ACER2: variants seen among roughly 807,000 people sequenced by gnomAD.
The protein encoded by ACER2 is alkaline ceramidase 2.
ACER2 carries 26 observed loss-of-function variants against 34.7 expected under a neutral mutation model. That is an observed-to-expected ratio of 0.75 (90% CI 0.55 to 1.04). ACER2 has a LOEUF of 1.04. ACER2 is among the 50% of genes least tolerant of loss of function. The pLI is 0.00. For missense variants in ACER2, 352 were observed against 340.8 expected, an observed-to-expected ratio of 1.03 and a Z score of -0.26; for synonymous variants, 138 against 132.1, an observed-to-expected ratio of 1.04 and a Z score of -0.31.
intron 1 of ACER2, among the ~76,000 whole-genome samples, chr9:19,421,874 C>T (rs1830417510): frequency 6.6e-6 from 1 of 152,086 alleles, no homozygotes; most frequent in South Asian, 2.1e-4. Flanking sequence ...TCCAATATGA[C>T]AGTCACTGGC....
chr9:19,437,308 A>G (rs1008814611), intron 4 of ACER2, among the ~76,000 whole-genome samples: 6 of 152,230 alleles, frequency 3.9e-5, no homozygotes, highest in East Asian at 3.9e-4. Flanking sequence ...AGAGTCCCCA[A>G]ATGATTTTAA....
chr9:19,425,667 T>C (rs1459008997), intron 3 of ACER2, among the ~76,000 whole-genome samples: 1 of 152,142 alleles, frequency 6.6e-6, no homozygotes, highest in African/African-American at 2.4e-5. Context: ...GGGTGCTGAT[T>C]TAGAGTTTGG....
At chr9:19,442,270 G>C (rs1024071037) in intron 4 of ACER2, among the ~76,000 whole-genome samples, 1 of 152,216 alleles carries the variant, frequency 6.6e-6, no homozygotes, top group South Asian at 2.1e-4. Context: ...GAAGAAATGG[G>C]AGAGATTCAG....
At position 19,439,399 on chromosome 9, in the gene ACER2, G is replaced by A. The variant is rs186583587; in HGVS notation, c.503+4315G>A. Among the ~76,000 whole-genome samples the A allele has an allele frequency of 4.9e-3, 733 of 150,462 alleles. 3 individuals are homozygous for A. Among genetic ancestry groups the A allele is most frequent in the Middle Eastern group, 6.9e-3 (2 of 290 alleles). On this transcript the variant is annotated intron_variant, in intron 4 of 5. Transcript: ENST00000340967. ...TCTGTCACCCAGGCTGGAGTGCAGTGGCAAGATCTCGGCTCACTGTAACCT... is the reference window on the plus strand; with the variant it reads ...TCTGTCACCCAGGCTGGAGTGCAGTAGCAAGATCTCGGCTCACTGTAACCT...
chr9:19,409,891 C>T, intron 1 of ACER2: 3 of 985,314 alleles, frequency 3.0e-6, no homozygotes, highest in Non-Finnish European at 3.6e-6. Flanking sequence ...TTTGGATTTG[C>T]CTAGGTCCCT....
Position 19,424,728 on chromosome 9 carries a change from C to G in ACER2, c.252C>G (p.Thr84=). Residue 84 remains threonine (T), a synonymous_variant, in exon 3 of 6, where the codon ACC becomes ACG. Coordinates refer to ENST00000340967, the MANE Select transcript of ACER2 (RefSeq NM_001010887.3). ...VGIGSVYFHA[T]LSFLGQMLDE... Reference sequence around the variant, plus strand: ...TTGGATCCGTCTACTTCCATGCAACCCTTAGTTTCTTGGGTCAGATGCTTG... The same window carrying G: ...TTGGATCCGTCTACTTCCATGCAACGCTTAGTTTCTTGGGTCAGATGCTTG... The G allele has an allele frequency of 6.2e-7, 1 of 1,613,894 alleles. No individual in the cohort carries two copies. The highest frequency in any genetic ancestry group is 8.5e-7 in the Non-Finnish European group (1 of 1,179,998).
At chr9:19,420,820 A>C (rs961786139) in intron 1 of ACER2, among the ~76,000 whole-genome samples, 3 of 152,256 alleles carry the variant, frequency 2.0e-5, no homozygotes, top group Admixed American at 2.0e-4. Flanking sequence ...AGTATATGCT[A>C]CACCCTCACA....
intron 4 of ACER2, among the ~76,000 whole-genome samples, chr9:19,440,591 A>G (rs961646494): frequency 6.6e-6 from 1 of 152,172 alleles, no homozygotes; most frequent in Non-Finnish European, 1.5e-5. Flanking sequence ...CCTTGATCTC[A>G]GACTTCCCAG....
intron 3 of ACER2, among the ~76,000 whole-genome samples, chr9:19,433,408 C>G (rs1830824829): frequency 6.6e-6 from 1 of 151,820 alleles, no homozygotes; most frequent in Non-Finnish European, 1.5e-5. Flanking sequence ...CATCTTGCAC[C>G]GCCCTTAATC....
intron 3 of ACER2, among the ~76,000 whole-genome samples, chr9:19,426,467 G>A (rs1240882390): frequency 7.0e-6 from 1 of 142,498 alleles, no homozygotes; most frequent in Non-Finnish European, 1.5e-5. Flanking sequence ...CAGTCACCAT[G>A]ATGCTTTCTC....
intron 1 of ACER2, among the ~76,000 whole-genome samples, chr9:19,416,886 T>C (rs1479669742): frequency 1.3e-5 from 2 of 152,160 alleles, no homozygotes; most frequent in African/African-American, 4.8e-5. Context: ...TAAAAGACCC[T>C]CTTAAGGGTC....
chr9:19,434,217 C>T (rs1414288075), intron 3 of ACER2, among the ~76,000 whole-genome samples: 38 of 151,888 alleles, frequency 2.5e-4, no homozygotes, highest in Non-Finnish European at 4.7e-4. Context: ...GATGTGATGG[C>T]GGCCGGGAAG....
At position 19,417,453 on chromosome 9, in the gene ACER2, G is replaced by A. The variant is rs140847659; in HGVS notation, c.109-6409G>A. Among the ~76,000 whole-genome samples the A allele has an allele frequency of 2.8e-4, 43 of 152,262 alleles. No homozygotes were observed. The Middle Eastern group carries it at 0.017, about 60-fold the overall frequency. On this transcript the variant is annotated intron_variant, in intron 1 of 5. Transcript: ENST00000340967. ...AAAAGAACAAAGCTGGAGGCATCAC[G>A]CTACCTGACTTCATACTACAAGGCT...
At chr9:19,431,031 C>T (rs963060443) in intron 3 of ACER2, among the ~76,000 whole-genome samples, 1 of 151,874 alleles carries the variant, frequency 6.6e-6, no homozygotes, top group African/African-American at 2.4e-5. Context: ...TTTTTTCAAG[C>T]TTACTGCCTT....
At chr9:19,416,512 T>C (rs77164732) in intron 1 of ACER2, among the ~76,000 whole-genome samples, 3 of 152,002 alleles carry the variant, frequency 2.0e-5, no homozygotes, top group African/African-American at 7.2e-5. Flanking sequence ...GGATGGTTTT[T>C]ATTTATTTTT....
intron 1 of ACER2, among the ~76,000 whole-genome samples, chr9:19,414,412 T>C (rs1263575880): frequency 5.3e-5 from 8 of 152,234 alleles, no homozygotes; most frequent in African/African-American, 1.9e-4. Context: ...GACTGCAGTA[T>C]GTTCATGAGA....
chr9:19,409,128 C>G lies in ACER2; in HGVS notation c.44C>G (p.Ser15Trp). ...HWWDQLQAGSSEVDWCEDNYT... is the reference protein window; with the variant it reads ...HWWDQLQAGSWEVDWCEDNYT... ...TGGGACCAGCTGCAGGCTGGTAGCT[C>G]GGAGGTGGACTGGTGCGAGGACAAC... The change falls in exon 1 of 6, where the codon TCG (serine) becomes TGG (tryptophan). Residue 15 changes from serine (S) to tryptophan (W), a missense_variant. Ser to Trp is a radical substitution (Grantham distance 177, BLOSUM62 -3). Coordinates refer to ENST00000340967, the MANE Select transcript of ACER2 (RefSeq NM_001010887.3). 6.2e-7 allele frequency: 1 copy of G among 1,606,390 alleles called. No homozygotes were observed. Among genetic ancestry groups the G allele is most frequent in the African/African-American group, 1.3e-5 (1 of 74,930 alleles).
In ACER2 at chr9:19,449,089, C is replaced by T. The variant is rs113915067; in HGVS notation, c.642-1361C>T. Reference sequence around the variant, plus strand: ...AGATTGAAGTGAGCTGAGATTGTGCCACTGTACTCTAGCCTGAGCAACAGA... The same window carrying T: ...AGATTGAAGTGAGCTGAGATTGTGCTACTGTACTCTAGCCTGAGCAACAGA... On this transcript the variant is annotated intron_variant, in intron 5 of 5. Coordinates refer to ENST00000340967, the MANE Select transcript of ACER2 (RefSeq NM_001010887.3). 9.0e-3 allele frequency among the ~76,000 whole-genome samples: 1,368 copies of T among 152,292 alleles called. 7 individuals carry two copies. Among genetic ancestry groups the T allele is most frequent in the Non-Finnish European group, 0.014 (986 of 68,012 alleles).
chr9:19,422,934 A>G (rs1830447697), intron 1 of ACER2, among the ~76,000 whole-genome samples: 1 of 151,492 alleles, frequency 6.6e-6, no homozygotes, highest in African/African-American at 2.4e-5. Flanking sequence ...CGGGAGGCTG[A>G]GGCAGGAGAA....
Sources: allele counts gnomAD v4.1 joint callset (sites outside exome capture counted in the v4.1 genomes callset), GRCh38; gene constraint gnomAD v4.1.1; transcripts MANE v1.5; gene names NCBI Gene and HGNC (gene_info 2026-07-23, HGNC 2026-07-21).